The following IRF6 variants were observed in gnomAD, a reference collection of about 807,000 sequenced individuals.
The protein encoded by IRF6 is interferon regulatory factor 6, also known as Van der Woude syndrome.
Under a neutral mutation model 51.4 loss-of-function variants are expected in IRF6, and 6 were observed. The ratio of observed to expected loss-of-function variants is 0.12; its 90% CI spans 0.06 to 0.23. The LOEUF (loss-of-function observed/expected upper bound fraction) is 0.23. Ranked by LOEUF, IRF6 falls within the 10% of genes least tolerant of loss-of-function variation. The pLI is 1.00. For missense variants in IRF6, 348 were observed against 585.2 expected, an observed-to-expected ratio of 0.59 and a Z score of 4.18; for synonymous variants, 178 against 215.7, an observed-to-expected ratio of 0.83 and a Z score of 1.53.
rs537871250 is a variant in IRF6 at position 209,796,801 on chromosome 1, A to G, written c.175-249T>C. Among the ~76,000 whole-genome samples the G allele has an allele frequency of 2.2e-4, 33 of 152,320 alleles. No homozygotes were observed. Among genetic ancestry groups the G allele is most frequent in the Admixed American group, 2.2e-3 (33 of 15,306 alleles). On this transcript the variant is annotated intron_variant, in intron 3 of 8. Transcript: ENST00000367021. This position sits in a 1 kb window ranked among gnomAD's most constrained non-coding sequence, Gnocchi z 4.5. Reference sequence around the variant, plus strand: ...ATAAAGCCATGTGCAAACACAATATATTAAAAGGAGGAACCTTATCTCAAG... The same window carrying G: ...ATAAAGCCATGTGCAAACACAATATGTTAAAAGGAGGAACCTTATCTCAAG...
chr1:209,788,638 G>A lies in IRF6; in HGVS notation c.1186C>T (p.Pro396Ser), dbSNP rs121434230. ...ERKLILVQVI[P>S]VVARMIYEMF... is the part of the protein sequence containing the mutation. ...TCGTAGATCATCCGAGCCACTACTG[G>A]AATGACCTGTTCAGGACACAGAACA... is the stretch of plus-strand genomic sequence containing the variant. Residue 396 changes from proline (P) to serine (S), a missense_variant, in exon 9 of 9, where the codon CCA (proline) becomes TCA (serine). By Grantham distance (74) the Pro-to-Ser change is moderately conservative. Coordinates refer to ENST00000367021, the MANE Select transcript of IRF6 (RefSeq NM_006147.4). 6.2e-7 allele frequency: 1 copy of A among 1,613,656 alleles called. No individual in the cohort carries two copies. Among genetic ancestry groups the A allele is most frequent in the Non-Finnish European group, 8.5e-7 (1 of 1,179,540 alleles).
intron 3 of IRF6, among the ~76,000 whole-genome samples, chr1:209,800,015 T>C (rs1453896258): frequency 6.6e-6 from 1 of 152,188 alleles, no homozygotes; most frequent in Non-Finnish European, 1.5e-5. Context: ...CAACCCAATT[T>C]CAGCAAGGAC....
At position 209,801,183 on chromosome 1, in the gene IRF6, C is replaced by CAAAA. The variant is rs35878470; in HGVS notation, c.174+53_174+56dup. The CAAAA allele has an allele frequency of 7.4e-4, 774 of 1,045,204 alleles. 1 individual carries two copies. The African/African-American group carries it at 9.3e-3, about 13-fold the overall frequency. 64.7% of individuals were successfully genotyped at this position (1,045,204 alleles called of 1,614,324 possible). On this transcript the variant is annotated intron_variant, in intron 3 of 8. Coordinates refer to ENST00000367021, the MANE Select transcript of IRF6 (RefSeq NM_006147.4). The stretch of plus-strand genomic sequence containing the variant: ...TTTAGATCTAGTGTATTCCCCATGC[C>CAAAA]AAAAAAAAAAAAAAAAAAAAATCCA...
intron 8 of IRF6, among the ~76,000 whole-genome samples, chr1:209,789,351 TTGTG>T (rs57430923): frequency 3.6e-4 from 53 of 147,040 alleles, no homozygotes; most frequent in East Asian, 3.2e-3. Flanking sequence ...GCAATTTACA[TTGTG>T]TGTGTGTGTG....
At chr1:209,792,246 A>C (rs1558039660) in intron 6 of IRF6, 23 bp downstream of exon 6, 2 of 1,610,238 alleles carry the variant, frequency 1.2e-6, no homozygotes, top group East Asian at 4.5e-5. Context: ...AAGACCGAGC[A>C]AGAAAGATAA....
At chr1:209,791,204 A>G (rs2102537475) in intron 6 of IRF6, among the ~76,000 whole-genome samples, 1 of 152,318 alleles carries the variant, frequency 6.6e-6, no homozygotes, top group African/African-American at 2.4e-5. Context: ...CTTCACACCA[A>G]TGGTCATTGG....
At chr1:209,800,732 C>A (rs779869208) in intron 3 of IRF6, among the ~76,000 whole-genome samples, 7 of 152,116 alleles carry the variant, frequency 4.6e-5, no homozygotes, top group Non-Finnish European at 1.0e-4. Context: ...TGCACTCCAG[C>A]CTGGTTGACA....
Position 209,790,651 on chromosome 1 carries a change from G to C in IRF6, c.904C>G (p.Leu302Val). 1 of 1,614,252 alleles carries C rather than the reference G, an allele frequency of 6.2e-7. No individual in the cohort carries two copies. The highest frequency in any genetic ancestry group is 8.5e-7 in the Non-Finnish European group (1 of 1,180,048). Residue 302 changes from leucine (L) to valine (V), a missense_variant, in exon 7 of 9, where the codon CTG becomes GTG. Transcript: ENST00000367021. The surrounding 1 kb of genome is among the most constrained non-coding windows in gnomAD (Gnocchi z 4.8). ...GCATGACCGCTGACCTCCAGGATCA[G>C]TCCTCTGTCCATGACGTCCAGCAGC... is the stretch of plus-strand genomic sequence containing the variant. ...SKLLDVMDRG[L>V]ILEVSGHAIY...
At chr1:209,802,364 A>C (rs1254892392) in intron 1 of IRF6, among the ~76,000 whole-genome samples, 1 of 152,228 alleles carries the variant, frequency 6.6e-6, no homozygotes, top group African/African-American at 2.4e-5. Flanking sequence ...GTAAAAATAC[A>C]TGGGCATAGC....
rs1032034301 is a variant in IRF6 at position 209,790,414 on chromosome 1, G to A, written c.1060+81C>T. On this transcript the variant is annotated intron_variant, in intron 7 of 8. Transcript: ENST00000367021. The surrounding 1 kb of genome is among the most constrained non-coding windows in gnomAD (Gnocchi z 4.8). ...GATCTTTGCCATGCCAGGAAAGCAGGAAGGTGAAAGACAGGGATAGTGGAA... is the reference window on the plus strand; with the variant it reads ...GATCTTTGCCATGCCAGGAAAGCAGAAAGGTGAAAGACAGGGATAGTGGAA... 6.0e-6 allele frequency: 9 copies of A among 1,492,182 alleles called. No homozygotes were observed. The African/African-American group carries it at 1.2e-4, about 21-fold the overall frequency. 92.4% of individuals were successfully genotyped at this position (1,492,182 alleles called of 1,614,324 possible).
At position 209,790,433 on chromosome 1, in the gene IRF6, A is replaced by C. The variant is rs1053933746; in HGVS notation, c.1060+62T>G. 74 of 1,550,026 alleles carry C rather than the reference A, an allele frequency of 4.8e-5. No individual in the cohort carries two copies. The highest frequency in any genetic ancestry group is 5.9e-5 in the Non-Finnish European group (66 of 1,123,764). On this transcript the variant is annotated intron_variant, in intron 7 of 8. Transcript: ENST00000367021. This position sits in a 1 kb window ranked among gnomAD's most constrained non-coding sequence, Gnocchi z 4.8. ...AAGCAGGAAGGTGAAAGACAGGGATAGTGGAAGGAATGTACTTCCAGAGAG... is the reference window on the plus strand; with the variant it reads ...AAGCAGGAAGGTGAAAGACAGGGATCGTGGAAGGAATGTACTTCCAGAGAG...
At chr1:209,792,547 G>T in intron 5 of IRF6, 120 bp from the exon 6 acceptor site, 2 of 1,018,764 alleles carry the variant, frequency 2.0e-6, no homozygotes, top group Non-Finnish European at 3.0e-6. Context: ...GACCCAGTGT[G>T]ATCTTCCAGC....
Position 209,787,609 on chromosome 1 carries a change from C to T in IRF6, c.*811G>A, listed in dbSNP as rs2077842617. On this transcript the variant is annotated 3_prime_UTR_variant, in exon 9 of 9. Coordinates refer to ENST00000367021, the MANE Select transcript of IRF6 (RefSeq NM_006147.4). Reference sequence around the variant, plus strand: ...TCACATACTGTCACCTACCCCCTCTCCCTGCCGCCCCCCCAACACACACAC... The same window carrying T: ...TCACATACTGTCACCTACCCCCTCTTCCTGCCGCCCCCCCAACACACACAC... The T allele has an allele frequency of 6.6e-6, 1 of 151,120 alleles. No individual in the cohort carries two copies. Among genetic ancestry groups the T allele is most frequent in the South Asian group, 2.1e-4 (1 of 4,704 alleles). The allele number at this position is 151,120 out of a possible 1,614,324, so 9.4% of individuals were successfully genotyped here. A position where few individuals can be genotyped will look rare whatever the true frequency, so the allele number is the denominator to read the frequency against.
intron 1 of IRF6, among the ~76,000 whole-genome samples, chr1:209,802,543 A>C (rs991646354): frequency 2.0e-5 from 3 of 152,188 alleles, no homozygotes; most frequent in African/African-American, 7.2e-5. Context: ...AGATGCCTGG[A>C]AAAAGAACAC....
Position 209,795,478 on chromosome 1 carries a change from C to G in IRF6, c.380-60G>C, listed in dbSNP as rs2077895427. 14 of 1,608,888 alleles carry G rather than the reference C, an allele frequency of 8.7e-6. No homozygotes were observed. The South Asian group carries it at 1.3e-4, about 15-fold the overall frequency. ...TCAGGTTGCACTGCCACCCCTGCAG[C>G]TGACCCACCATTCAAGCTAGGGACT... On this transcript the variant is annotated intron_variant, in intron 4 of 8. Transcript: ENST00000367021.
At chr1:209,798,675 CTGAGGTGGGTGGATCA>C (rs1267534927) in intron 3 of IRF6, among the ~76,000 whole-genome samples, 1 of 152,110 alleles carries the variant, frequency 6.6e-6, no homozygotes, top group East Asian at 1.9e-4. Flanking sequence ...CTTTGGGAGG[CTGAGGTGGGTGGATCA>C]TGAGGTCAAG....
In IRF6 at chr1:209,799,400, C is replaced by G. The variant is rs201365040; in HGVS notation, c.174+1840G>C. Among the ~76,000 whole-genome samples, 9 of 152,178 alleles carry G rather than the reference C, an allele frequency of 5.9e-5. No homozygotes were observed. The East Asian group carries it at 1.5e-3, about 26-fold the overall frequency. ...TAAGACTTGGCTTCTGTATCAACAACATGAAGGTAATACCTCCCTTACAGG... is the reference window on the plus strand; with the variant it reads ...TAAGACTTGGCTTCTGTATCAACAAGATGAAGGTAATACCTCCCTTACAGG... On this transcript the variant is annotated intron_variant, in intron 3 of 8. Transcript: ENST00000367021.
chr1:209,795,809 T>C (rs1470617370), intron 4 of IRF6, among the ~76,000 whole-genome samples: 2 of 150,680 alleles, frequency 1.3e-5, no homozygotes, highest in Non-Finnish European at 3.0e-5. Flanking sequence ...CCAACGAATA[T>C]GTACAATTAT....
At chr1:209,801,551 A>G (rs894120670) in intron 2 of IRF6, 135 bp from the exon 3 acceptor site, 19 of 711,708 alleles carry the variant, frequency 2.7e-5, no homozygotes, top group Non-Finnish European at 4.0e-5. Context: ...ATATGGGAAT[A>G]AGCTGTGCCA....
Sources: allele counts gnomAD v4.1 joint callset (sites outside exome capture counted in the v4.1 genomes callset), GRCh38; gene constraint gnomAD v4.1.1; non-coding constraint Gnocchi (gnomAD v3.1); transcripts MANE v1.5; gene names NCBI Gene and HGNC (gene_info 2026-07-23, HGNC 2026-07-21).